ADAMTS2: variants seen among roughly 807,000 people sequenced by gnomAD.
ADAMTS2 encodes the protein A disintegrin and metalloproteinase with thrombospondin motifs 2.
A neutral mutation model predicts 123.0 loss-of-function variants in ADAMTS2; 50 were observed. That is an observed-to-expected ratio of 0.41 (90% CI 0.32 to 0.51). ADAMTS2 has a LOEUF of 0.51. ADAMTS2 is among the 20% of genes least tolerant of loss of function. The pLI, the probability that ADAMTS2 is intolerant of heterozygous loss-of-function variation, is 0.35. For synonymous variants in ADAMTS2, 678 were observed against 695.4 expected (o/e 0.98, Z 0.39); for missense variants, 1,494 against 1,705.2 (o/e 0.88, Z 2.18).
intron 2 of ADAMTS2, among the ~76,000 whole-genome samples, chr5:179,320,844 C>A (rs989256709): frequency 6.6e-6 from 1 of 152,132 alleles, no homozygotes; most frequent in African/African-American, 2.4e-5. Context: ...AAGCTGTTTC[C>A]CCCGGGTTGT....
chr5:179,153,356 C>G, intron 9 of ADAMTS2, 135 bp downstream of exon 9: 1 of 1,372,670 alleles, frequency 7.3e-7, no homozygotes, highest in Non-Finnish European at 9.9e-7. Context: ...TGCAGAGGGA[C>G]AGGCTGCCAC....
At chr5:179,330,726 C>T (rs1047702757) in intron 2 of ADAMTS2, among the ~76,000 whole-genome samples, 2 of 152,228 alleles carry the variant, frequency 1.3e-5, no homozygotes, top group Admixed American at 1.3e-4. Flanking sequence ...TCCCAGCAGC[C>T]CTGCTCATCG....
intron 3 of ADAMTS2, among the ~76,000 whole-genome samples, chr5:179,264,734 G>A (rs754339570): frequency 1.2e-4 from 18 of 152,194 alleles, no homozygotes; most frequent in Non-Finnish European, 2.4e-4. Flanking sequence ...CTGGGCAGGC[G>A]CCCTGTGCCC....
chr5:179,187,360 G>C (rs1208676036), intron 4 of ADAMTS2, among the ~76,000 whole-genome samples: 4 of 152,220 alleles, frequency 2.6e-5, no homozygotes, highest in Non-Finnish European at 1.5e-5. Context: ...TGCTCCAGCG[G>C]CTAGCCCGGC....
chr5:179,238,528 C>G (rs1322708795), intron 3 of ADAMTS2, among the ~76,000 whole-genome samples: 1 of 151,998 alleles, frequency 6.6e-6, no homozygotes, highest in Admixed American at 6.6e-5. Flanking sequence ...CCTTAGAGCG[C>G]CAGGGTAGGT....
chr5:179,177,812 G>C (rs572078421), intron 5 of ADAMTS2, among the ~76,000 whole-genome samples: 1 of 152,248 alleles, frequency 6.6e-6, no homozygotes, highest in African/African-American at 2.4e-5. Flanking sequence ...ATTTAGCATA[G>C]AGCCTGCTAA....
At position 179,314,608 on chromosome 5, in the gene ADAMTS2, T is replaced by C. The variant is rs1292578720; in HGVS notation, c.534+29159A>G. Among the ~76,000 whole-genome samples the C allele has an allele frequency of 6.6e-6, 1 of 152,118 alleles. No individual in the cohort carries two copies. Among genetic ancestry groups the C allele is most frequent in the Non-Finnish European group, 1.5e-5 (1 of 67,998 alleles). ...CATCCTCACTGGACTGTCTCCCTTT[T>C]ACAGATGAGGTGAGACAGCATGCAG... On this transcript the variant is annotated intron_variant, in intron 2 of 21. Transcript: ENST00000251582. This position sits in a 1 kb window ranked among gnomAD's most constrained non-coding sequence, Gnocchi z 4.5.
chr5:179,296,012 G>A (rs1756319741), intron 2 of ADAMTS2, among the ~76,000 whole-genome samples: 1 of 152,188 alleles, frequency 6.6e-6, no homozygotes, highest in Admixed American at 6.5e-5. Context: ...GGAGACTGAG[G>A]GTCCTGCTCA....
chr5:179,211,736 C>T (rs1255509787), intron 3 of ADAMTS2, among the ~76,000 whole-genome samples: 3 of 152,206 alleles, frequency 2.0e-5, no homozygotes, highest in Non-Finnish European at 4.4e-5. Flanking sequence ...GCCACGGGCT[C>T]ATCCACAGTG....
chr5:179,227,478 C>T (rs894049790), intron 3 of ADAMTS2, among the ~76,000 whole-genome samples: 1 of 152,308 alleles, frequency 6.6e-6, no homozygotes, highest in Admixed American at 6.5e-5. Context: ...CACCGATCTG[C>T]TTGGCCTGGC....
intron 2 of ADAMTS2, among the ~76,000 whole-genome samples, chr5:179,275,622 C>T (rs1005896974): frequency 2.6e-5 from 4 of 152,144 alleles, no homozygotes; most frequent in African/African-American, 7.2e-5. Context: ...ATGCCAGATG[C>T]CAGCTTTGGA....
Position 179,170,407 on chromosome 5 carries a change from C to A in ADAMTS2, c.975+10665G>T, listed in dbSNP as rs1468790411. On this transcript the variant is annotated intron_variant, in intron 5 of 21. Transcript: ENST00000251582. The surrounding 1 kb of genome is among the most constrained non-coding windows in gnomAD (Gnocchi z 4.3). ...GAGTCTGTCCCCACCGTGGGGGGGA[C>A]AGCTCAGCCCCCTCCTGACTGCCAT... is the stretch of plus-strand genomic sequence containing the variant. Among the ~76,000 whole-genome samples, 1 of 152,112 alleles carries A rather than the reference C, an allele frequency of 6.6e-6. No individual in the cohort carries two copies. The highest frequency in any genetic ancestry group is 1.5e-5 in the Non-Finnish European group (1 of 68,020).
chr5:179,195,079 C>T (rs185540048), intron 4 of ADAMTS2, among the ~76,000 whole-genome samples: 1 of 152,200 alleles, frequency 6.6e-6, no homozygotes, highest in Non-Finnish European at 1.5e-5. Flanking sequence ...CCTGACCAGC[C>T]GCCCCAGGCA....
At chr5:179,311,851 C>T (rs538508510) in intron 2 of ADAMTS2, among the ~76,000 whole-genome samples, 222 of 152,344 alleles carry the variant, frequency 1.5e-3, no homozygotes, top group Non-Finnish European at 2.8e-3. Context: ...CCCACTCTAG[C>T]GGTTCCTGTG....
chr5:179,276,186 C>A (rs930415272), intron 2 of ADAMTS2, among the ~76,000 whole-genome samples: 1 of 152,276 alleles, frequency 6.6e-6, no homozygotes, highest in South Asian at 2.1e-4. Context: ...CTGCAGGCCA[C>A]GTCCCCCAAG....
intron 2 of ADAMTS2, among the ~76,000 whole-genome samples, chr5:179,340,318 G>A (rs897172225): frequency 3.3e-5 from 5 of 152,124 alleles, no homozygotes; most frequent in Admixed American, 1.3e-4. Context: ...TCCATCCCAC[G>A]GAAGTCCCAG....
At chr5:179,163,677 T>G (rs1224737287) in intron 5 of ADAMTS2, among the ~76,000 whole-genome samples, 1 of 152,214 alleles carries the variant, frequency 6.6e-6, no homozygotes, top group African/African-American at 2.4e-5. Flanking sequence ...TGGTTCAGCC[T>G]GGGTTCCCAG....
chr5:179,343,788 C>T lies in ADAMTS2; in HGVS notation c.513G>A (p.Ala171=), dbSNP rs369983319. ...VAGLAEASSV[A]LSNCDGLAGL... ...TCACCAGCCCATCGCAGTTGCTGAGCGCCACAGAGGAGGCTTCGGCTAGGC... is the reference window on the plus strand; with the variant it reads ...TCACCAGCCCATCGCAGTTGCTGAGTGCCACAGAGGAGGCTTCGGCTAGGC... Residue 171 remains alanine (A), a synonymous_variant, in exon 2 of 22, where the codon GCG becomes GCA. Coordinates refer to ENST00000251582, the MANE Select transcript of ADAMTS2 (RefSeq NM_014244.5). The T allele has an allele frequency of 6.2e-7, 1 of 1,611,700 alleles. No individual in the cohort carries two copies. Among genetic ancestry groups the T allele is most frequent in the Non-Finnish European group, 8.5e-7 (1 of 1,179,726 alleles).
At chr5:179,182,761 T>G (rs1266275636) in intron 4 of ADAMTS2, among the ~76,000 whole-genome samples, 2 of 152,030 alleles carry the variant, frequency 1.3e-5, no homozygotes, top group Non-Finnish European at 2.9e-5. Flanking sequence ...AAGGGACAAC[T>G]CATCAGACCC....
Sources: allele counts gnomAD v4.1 joint callset (sites outside exome capture counted in the v4.1 genomes callset), GRCh38; gene constraint gnomAD v4.1.1; non-coding constraint Gnocchi (gnomAD v3.1); transcripts MANE v1.5; gene names NCBI Gene and HGNC (gene_info 2026-07-23, HGNC 2026-07-21).